TFDP2: variants seen among roughly 807,000 people sequenced by gnomAD.
TFDP2 encodes transcription factor Dp-2 (E2F dimerization partner 2).
Under a neutral mutation model 59.3 loss-of-function variants are expected in TFDP2, and 17 were observed. The observed-to-expected ratio is 0.29, with a 90% CI of 0.20 to 0.43. The LOEUF (loss-of-function observed/expected upper bound fraction) is 0.43, where lower values mean the gene tolerates loss of function less well. TFDP2 is among the 20% of genes least tolerant of loss of function. TFDP2 has a pLI of 1.00. For synonymous variants in TFDP2, 180 were observed against 194.7 expected (o/e 0.92, Z 0.63); for missense variants, 391 against 528.8 (o/e 0.74, Z 2.56).
chr3:142,112,520 G>C (rs1044591108), intron 1 of TFDP2, among the ~76,000 whole-genome samples: 3 of 152,182 alleles, frequency 2.0e-5, no homozygotes, highest in Non-Finnish European at 4.4e-5. Flanking sequence ...ATACTTAGCA[G>C]AAAGACGTGG....
intron 1 of TFDP2, among the ~76,000 whole-genome samples, chr3:142,134,322 C>G (rs2062636538): frequency 6.7e-6 from 1 of 149,674 alleles, no homozygotes; most frequent in East Asian, 2.0e-4. Context: ...GCACTCCAGC[C>G]TGGGCAACAG....
At chr3:141,998,898 A>G (rs773283063) in intron 4 of TFDP2, among the ~76,000 whole-genome samples, 2 of 152,234 alleles carry the variant, frequency 1.3e-5, no homozygotes, top group Non-Finnish European at 2.9e-5. Context: ...CCAAGACAGC[A>G]TATGTATTCT....
rs191082909 is a variant in TFDP2 at position 142,060,236 on chromosome 3, T to C, written c.82+32825A>G. Among the ~76,000 whole-genome samples the C allele has an allele frequency of 2.4e-3, 368 of 152,298 alleles. 2 individuals carry two copies. The highest frequency in any genetic ancestry group is 8.4e-3 in the African/African-American group (349 of 41,584). Reference sequence around the variant, plus strand: ...CTAACAGAAACTTTCCTGAACTCCTTGCCTCAAGTGATCCTTCCACTTCAG... The same window carrying C: ...CTAACAGAAACTTTCCTGAACTCCTCGCCTCAAGTGATCCTTCCACTTCAG... On this transcript the variant is annotated intron_variant, in intron 3 of 12. Transcript: ENST00000489671.
chr3:142,092,306 G>A (rs1190307041), intron 3 of TFDP2, among the ~76,000 whole-genome samples: 2 of 152,092 alleles, frequency 1.3e-5, no homozygotes, highest in African/African-American at 4.8e-5. Flanking sequence ...TCCTGTGTAA[G>A]TTCTTGTACT....
chr3:142,082,409 C>G (rs190351567), intron 3 of TFDP2, among the ~76,000 whole-genome samples: 91 of 152,288 alleles, frequency 6.0e-4, no homozygotes, highest in Middle Eastern at 3.4e-3. Flanking sequence ...AACCATACCA[C>G]CCCTCACCCC....
chr3:142,078,624 G>A (rs1289084236), intron 3 of TFDP2, among the ~76,000 whole-genome samples: 1 of 152,118 alleles, frequency 6.6e-6, no homozygotes, highest in African/African-American at 2.4e-5. Flanking sequence ...CTAAAAACTT[G>A]AATCACAACA....
At chr3:142,089,845 G>C (rs143610666) in intron 3 of TFDP2, among the ~76,000 whole-genome samples, 153 of 151,924 alleles carry the variant, frequency 1.0e-3, no homozygotes, top group African/African-American at 3.6e-3. Flanking sequence ...ATACTTACCA[G>C]TTTTATAACT....
chr3:141,977,124 TTTTTC>T (rs1294263029), intron 7 of TFDP2, among the ~76,000 whole-genome samples: 1 of 111,356 alleles, frequency 9.0e-6, no homozygotes, highest in African/African-American at 3.3e-5. Flanking sequence ...TTTTTTTTTT[TTTTTC>T]CCCCCAAAGA....
chr3:142,062,435 A>G (rs984676545), intron 3 of TFDP2, among the ~76,000 whole-genome samples: 2 of 150,042 alleles, frequency 1.3e-5, no homozygotes, highest in African/African-American at 4.9e-5. Flanking sequence ...GTGTATATAT[A>G]TAGTCATAAA....
intron 3 of TFDP2, among the ~76,000 whole-genome samples, chr3:142,023,045 G>A (rs1334851012): frequency 6.7e-5 from 10 of 149,282 alleles, no homozygotes; most frequent in African/African-American, 2.5e-4. Context: ...GCTTGAACCC[G>A]GGAGGCGGAG....
chr3:142,149,359 A>G lies in TFDP2; in HGVS notation c.-269T>C, dbSNP rs115174552. Reference sequence around the variant, plus strand: ...TCAAGGCCCAGGAGTTTGAGGCCCCAGAACGCCAACCGTGCGCGCGCCCTC... The same window carrying G: ...TCAAGGCCCAGGAGTTTGAGGCCCCGGAACGCCAACCGTGCGCGCGCCCTC... On this transcript the variant is annotated 5_prime_UTR_variant, in exon 1 of 13. Transcript: ENST00000489671. The G allele has an allele frequency of 0.099, 38,690 of 391,090 alleles. 2,227 individuals carry two copies. Among genetic ancestry groups the G allele is most frequent in the Middle Eastern group, 0.14 (212 of 1,548 alleles). 24.2% of individuals were successfully genotyped at this position (391,090 alleles called of 1,614,324 possible). A position where few individuals can be genotyped will look rare whatever the true frequency, so the allele number is the denominator to read the frequency against.
chr3:142,116,534 G>T (rs1050463935), intron 1 of TFDP2, among the ~76,000 whole-genome samples: 1 of 152,194 alleles, frequency 6.6e-6, no homozygotes, highest in African/African-American at 2.4e-5. Flanking sequence ...GCTTTACAGG[G>T]AGCACGGCCC....
At chr3:141,997,537 G>GA (rs373335127) in intron 4 of TFDP2, among the ~76,000 whole-genome samples, 267 of 151,970 alleles carry the variant, frequency 1.8e-3, no homozygotes, top group African/African-American at 6.3e-3. Flanking sequence ...TGGTTTTGCT[G>GA]ATTTACAGGA....
intron 1 of TFDP2, among the ~76,000 whole-genome samples, chr3:142,107,432 C>T (rs1475282259): frequency 6.6e-6 from 1 of 151,890 alleles, no homozygotes; most frequent in Non-Finnish European, 1.5e-5. Flanking sequence ...CGGGGTTTTA[C>T]CATGTTGGCC....
At chr3:141,972,098 C>T (rs1186745211) in intron 8 of TFDP2, among the ~76,000 whole-genome samples, 2 of 152,190 alleles carry the variant, frequency 1.3e-5, no homozygotes, top group African/African-American at 4.8e-5. Context: ...ATTCATGGTT[C>T]CTCTATCCAC....
intron 6 of TFDP2, among the ~76,000 whole-genome samples, chr3:141,984,978 C>A (rs770717700): frequency 6.6e-6 from 1 of 151,866 alleles, no homozygotes; most frequent in Admixed American, 6.6e-5. Context: ...CCATAGGCAA[C>A]GTGCCCAGAG....
rs368246535 is a variant in TFDP2 at position 142,113,997 on chromosome 3, T to C, written c.-92-12156A>G. ...GTCTAACACGGTGAATCCCCGCCTCTACTAAAAATACAAAAAAATTAGCCA... is the reference window on the plus strand; with the variant it reads ...GTCTAACACGGTGAATCCCCGCCTCCACTAAAAATACAAAAAAATTAGCCA... On this transcript the variant is annotated intron_variant, in intron 1 of 12. Coordinates refer to ENST00000489671, the MANE Select transcript of TFDP2 (RefSeq NM_001178139.2). Among the ~76,000 whole-genome samples, 58 of 152,178 alleles carry C rather than the reference T, an allele frequency of 3.8e-4. No individual in the cohort carries two copies. The East Asian group carries it at 0.011, about 28-fold the overall frequency.
At chr3:142,050,069 C>T (rs577445476) in intron 3 of TFDP2, among the ~76,000 whole-genome samples, 2 of 151,710 alleles carry the variant, frequency 1.3e-5, no homozygotes, top group African/African-American at 4.8e-5. Flanking sequence ...GTCAGGAGTT[C>T]GAGCCTGGCC....
chr3:141,969,273 GAT>G (rs36189919), intron 9 of TFDP2, among the ~76,000 whole-genome samples: 18,697 of 106,184 alleles, frequency 0.18, 2,323 homozygotes, highest in Middle Eastern at 0.25. Context: ...ATATATATGA[GAT>G]ATATATATAT....
Sources: gnomAD v4.1 joint callset for allele counts (sites outside exome capture counted in the v4.1 genomes callset) on GRCh38, gnomAD v4.1.1 for gene constraint, MANE v1.5 for transcripts, NCBI Gene and HGNC (gene_info 2026-07-23, HGNC 2026-07-21) for gene names.